Variants in IGFBP3 observed in about 807,000 individuals in gnomAD.
IGFBP3 encodes the protein insulin like growth factor binding protein 3, also known as insulin-like growth factor-binding protein 3.
Under a neutral mutation model 28.6 loss-of-function variants are expected in IGFBP3, and 9 were observed. The observed-to-expected ratio is 0.31, with a 90% CI of 0.19 to 0.55. IGFBP3 has a LOEUF of 0.55. Ranked by LOEUF, IGFBP3 falls within the 20% of genes least tolerant of loss-of-function variation. The pLI, the probability that IGFBP3 is intolerant of heterozygous loss-of-function variation, is 0.93. For missense variants in IGFBP3, 382 were observed against 428.9 expected (o/e 0.89, Z 0.97); for synonymous variants, 185 against 188.2 (o/e 0.98, Z 0.14).
intron 1 of IGFBP3, among the ~76,000 whole-genome samples, chr7:45,917,690 AACTAAAGAAGGCAG>A (rs1323891533): frequency 2.0e-5 from 3 of 152,202 alleles, no homozygotes; most frequent in African/African-American, 7.2e-5. Context: ...AAGTAGCTGC[AACTAAAGAAGGCAG>A]ACAAACGCTT....
intron 1 of IGFBP3, among the ~76,000 whole-genome samples, chr7:45,919,190 T>A (rs1476639979): frequency 6.6e-6 from 1 of 152,182 alleles, no homozygotes. Context: ...TTTACCTTTT[T>A]TTGTCAAATA....
At chr7:45,914,066 T>C (rs1392988999) in intron 4 of IGFBP3, 1 of 152,126 alleles carries the variant, frequency 6.6e-6, no homozygotes, top group African/African-American at 2.4e-5. Flanking sequence ...TTCCAACTTG[T>C]AAGGAAAAAA....
At chr7:45,914,781 A>C (rs551620770) in intron 4 of IGFBP3, 24 bp downstream of exon 4, 3 of 1,609,330 alleles carry the variant, frequency 1.9e-6, no homozygotes, top group East Asian at 4.5e-5. Context: ...CTGGAGCCCC[A>C]GGCTGCCCCT....
intron 1 of IGFBP3, among the ~76,000 whole-genome samples, chr7:45,918,162 GGT>G (rs1468733451): frequency 7.9e-5 from 12 of 152,130 alleles, no homozygotes; most frequent in Non-Finnish European, 4.4e-5. Context: ...GCATCTTGCT[GGT>G]GCCTGCCTAA....
intron 2 of IGFBP3, 88 bp downstream of exon 2, chr7:45,917,125 G>GT: frequency 9.1e-7 from 1 of 1,097,672 alleles, no homozygotes; most frequent in Non-Finnish European, 1.4e-6. Flanking sequence ...GCTGGGGTTT[G>GT]TTGAGTAAGA....
At chr7:45,917,125 G>A in intron 2 of IGFBP3, 88 bp downstream of exon 2, 1 of 1,097,672 alleles carries the variant, frequency 9.1e-7, no homozygotes. Flanking sequence ...GCTGGGGTTT[G>A]TTGAGTAAGA....
Position 45,916,986 on chromosome 7 carries a change from T to C in IGFBP3, c.630+227A>G, listed in dbSNP as rs181155355. ...CTGCAGAGGTCTTTATGACATCCCATATGCTTTTAAGAGTGTTATTTCAGC... is the reference window on the plus strand; with the variant it reads ...CTGCAGAGGTCTTTATGACATCCCACATGCTTTTAAGAGTGTTATTTCAGC... On this transcript the variant is annotated intron_variant, in intron 2 of 4. Transcript: ENST00000613132. 3.1e-5 allele frequency: 18 copies of C among 583,546 alleles called. No homozygotes were observed. In the African/African-American group the frequency reaches 3.2e-4, roughly 10 times the overall value. 36.1% of individuals were successfully genotyped at this position (583,546 alleles called of 1,614,324 possible). A position where few individuals can be genotyped will look rare whatever the true frequency, so the allele number is the denominator to read the frequency against.
At chr7:45,915,253 C>G (rs963881112) in intron 3 of IGFBP3, 5 of 310,670 alleles carry the variant, frequency 1.6e-5, no homozygotes, top group Non-Finnish European at 3.0e-5. Context: ...AAATGTGGGA[C>G]TGAGAACATC....
At position 45,921,111 on chromosome 7, in the gene IGFBP3, G is replaced by C; in HGVS notation, c.30C>G (p.Ala10=). Residue 10 remains alanine, a synonymous_variant, in exon 1 of 5, where the codon GCC becomes GCG. Coordinates refer to ENST00000613132, the MANE Select transcript of IGFBP3 (RefSeq NM_000598.5). ...GCAGCACCAGCAGAGTCAGCGCAGC[G>C]GCCCAGAGCGTGGGTCGCGCCCGCT... MQRARPTLW[A]AALTLLVLLR... 1 of 1,491,772 alleles carries C rather than the reference G, an allele frequency of 6.7e-7. No individual in the cohort carries two copies. The highest frequency in any genetic ancestry group is 2.8e-5 in the East Asian group (1 of 35,220). The allele number at this position is 1,491,772 out of a possible 1,614,324, so 92.4% of individuals were successfully genotyped here.
Position 45,917,393 on chromosome 7 carries a change from C to T in IGFBP3, c.450G>A (p.Glu150=), listed in dbSNP as rs377184670. ...GGTGCGTGCTGGAGACGGACGGGCT[C>T]TCCACACTGCCGGCGCTGCGGTCTT... is the stretch of plus-strand genomic sequence containing the variant. ...SEEDRSAGSV[E]SPSVSSTHRV... The change falls in exon 2 of 5, where the codon GAG becomes GAA. Residue 150 remains glutamate, a synonymous_variant. Transcript: ENST00000613132. 4.3e-6 allele frequency: 7 copies of T among 1,613,930 alleles called. No individual in the cohort carries two copies. In the Middle Eastern group the frequency reaches 8.3e-4, roughly 192 times the overall value.
In IGFBP3 at chr7:45,917,407, C is replaced by G. The variant is rs1254875274; in HGVS notation, c.436G>C (p.Ala146Pro). The change falls in exon 2 of 5, where the codon GCC (alanine) becomes CCC (proline). Residue 146 changes from alanine (A) to proline (P), a missense_variant. Physicochemically the swap from Ala to Pro is conservative, Grantham distance 27. Coordinates refer to ENST00000613132, the MANE Select transcript of IGFBP3 (RefSeq NM_000598.5). Reference protein sequence around the residue: ...NASESEEDRSAGSVESPSVSS... With the variant: ...NASESEEDRSPGSVESPSVSS... ...ACGGACGGGCTCTCCACACTGCCGGCGCTGCGGTCTTCCTCCGACTCACTA... is the reference window on the plus strand; with the variant it reads ...ACGGACGGGCTCTCCACACTGCCGGGGCTGCGGTCTTCCTCCGACTCACTA... The G allele has an allele frequency of 2.5e-6, 4 of 1,613,500 alleles. No homozygotes were observed. The highest frequency in any genetic ancestry group is 3.4e-6 in the Non-Finnish European group (4 of 1,179,728).
intron 2 of IGFBP3, 44 bp downstream of exon 2, chr7:45,917,169 G>T: frequency 1.3e-6 from 2 of 1,488,250 alleles, no homozygotes; most frequent in South Asian, 1.1e-5. Flanking sequence ...ACCCAGGCTT[G>T]GCAGGTCTTG....
At chr7:45,918,747 C>T (rs1223149821) in intron 1 of IGFBP3, among the ~76,000 whole-genome samples, 1 of 152,212 alleles carries the variant, frequency 6.6e-6, no homozygotes, top group Non-Finnish European at 1.5e-5. Flanking sequence ...GAAGTGGCTA[C>T]TGGCAGGTCA....
At chr7:45,917,824 T>C (rs1583671680) in intron 1 of IGFBP3, among the ~76,000 whole-genome samples, 1 of 152,270 alleles carries the variant, frequency 6.6e-6, no homozygotes, top group Middle Eastern at 3.4e-3. Flanking sequence ...TGCAGTCAAC[T>C]CCAAGTGTGG....
rs527989255 is a variant in IGFBP3, at chr7:45,920,613, C to G, written c.403+125G>C. ...ACCTTTCCCGGAGCGCCTTCAGTTT[C>G]CCCACATATTATCTCCAGTGAGAAG... On this transcript the variant is annotated intron_variant, in intron 1 of 4. Coordinates refer to ENST00000613132, the MANE Select transcript of IGFBP3 (RefSeq NM_000598.5). 7 of 995,854 alleles carry G rather than the reference C, an allele frequency of 7.0e-6. No individual in the cohort carries two copies. In the East Asian group the frequency reaches 1.0e-4, roughly 14 times the overall value. The allele number at this position is 995,854 out of a possible 1,614,324, so 61.7% of individuals were successfully genotyped here.
At chr7:45,915,037 C>G in intron 3 of IGFBP3, 92 bp from the exon 4 acceptor site, 3 of 1,438,706 alleles carry the variant, frequency 2.1e-6, no homozygotes, top group Non-Finnish European at 2.9e-6. Context: ...GCCAGCGTGA[C>G]TCTGCTATGC....
chr7:45,920,648 G>C (rs1400573549), intron 1 of IGFBP3, 90 bp downstream of exon 1: 1 of 1,182,626 alleles, frequency 8.5e-7, no homozygotes, highest in Non-Finnish European at 1.1e-6. Context: ...GAAAAGCGGA[G>C]TCTCCCGCAG....
rs760074314 is a variant in IGFBP3, at chr7:45,914,937, A to C, written c.759T>G (p.Pro253=). ...KGFYKKKQCR[P]SKGRKRGFCW... ...AGAAGCCCCGCTTCCTGCCTTTGGA[A>C]GGGCGACACTGTGGGAGAGAAACAG... is the stretch of plus-strand genomic sequence containing the variant. Residue 253 remains proline (P), a synonymous_variant, in exon 4 of 5, where the codon CCT becomes CCG. Transcript: ENST00000613132. The C allele has an allele frequency of 4.3e-6, 7 of 1,613,920 alleles. No homozygotes were observed. In the African/African-American group the frequency reaches 9.3e-5, roughly 22 times the overall value.
At chr7:45,914,442 G>C (rs1784581733) in intron 4 of IGFBP3, 2 of 160,056 alleles carry the variant, frequency 1.2e-5, no homozygotes, top group Non-Finnish European at 1.4e-5. Flanking sequence ...GATTAAAACG[G>C]TTTCTCTGTG....
Sources: gnomAD v4.1 joint callset for allele counts (sites outside exome capture counted in the v4.1 genomes callset) on GRCh38, gnomAD v4.1.1 for gene constraint, MANE v1.5 for transcripts, NCBI Gene and HGNC (gene_info 2026-07-23, HGNC 2026-07-21) for gene names.